Variants in FAM13C observed in about 807,000 individuals in gnomAD.
FAM13C encodes family with sequence similarity 13 member C.
In FAM13C, 37 loss-of-function variants were observed where a neutral mutation model predicts 73.2. The ratio of observed to expected loss-of-function variants is 0.51; its 90% CI spans 0.39 to 0.67. FAM13C has a LOEUF of 0.67. Among genes scored for constraint, FAM13C ranks in the 30% least tolerant of loss-of-function variants. FAM13C has a pLI of 0.00. For synonymous variants in FAM13C, 246 were observed against 260.9 expected (o/e 0.94, Z 0.55); for missense variants, 589 against 715.6 (o/e 0.82, Z 2.02).
At chr10:59,359,512 G>C (rs1186905470) in intron 1 of FAM13C, among the ~76,000 whole-genome samples, 1 of 152,226 alleles carries the variant, frequency 6.6e-6, no homozygotes, top group Admixed American at 6.5e-5. Context: ...CAAAGTTGCA[G>C]AGGTACAGCC....
chr10:59,281,920 GT>G (rs1384990231), intron 6 of FAM13C, among the ~76,000 whole-genome samples: 1 of 152,214 alleles, frequency 6.6e-6, no homozygotes, highest in Non-Finnish European at 1.5e-5. Context: ...TTCTTTATGT[GT>G]TTTGTATTAA....
intron 1 of FAM13C, among the ~76,000 whole-genome samples, 187 bp from the exon 2 acceptor site, chr10:59,356,130 T>G (rs1483069526): frequency 6.6e-5 from 10 of 152,236 alleles, no homozygotes; most frequent in Admixed American, 6.5e-4. Flanking sequence ...TCATATCATG[T>G]GAGCTTAAAA....
At chr10:59,257,251 C>G (rs117595955) in intron 10 of FAM13C, among the ~76,000 whole-genome samples, 2,638 of 152,268 alleles carry the variant, frequency 0.017, 41 homozygotes, top group Middle Eastern at 0.054. Context: ...TTCCTGGCCC[C>G]CTATCAAGTA....
At chr10:59,288,568 A>C (rs1845861460) in intron 5 of FAM13C, among the ~76,000 whole-genome samples, 1 of 152,176 alleles carries the variant, frequency 6.6e-6, no homozygotes, top group Non-Finnish European at 1.5e-5. Flanking sequence ...ACACTAAGCA[A>C]GACTCTGAGT....
chr10:59,247,359 A>T lies in FAM13C; in HGVS notation c.*255T>A. On this transcript the variant is annotated 3_prime_UTR_variant, in exon 14 of 14. Coordinates refer to ENST00000618804, the MANE Select transcript of FAM13C (RefSeq NM_198215.4). ...GACATTTTTAAAAATACTTGTATTG[A>T]CTATGAGTTTTCTGCTTGGCATGGA... The T allele has an allele frequency of 2.2e-6, 1 of 453,486 alleles. No homozygotes were observed. The highest frequency in any genetic ancestry group is 3.9e-6 in the Non-Finnish European group (1 of 257,166). The allele number at this position is 453,486 out of a possible 1,614,324, so 28.1% of individuals were successfully genotyped here.
At chr10:59,281,399 C>T (rs2133673607) in intron 6 of FAM13C, among the ~76,000 whole-genome samples, 1 of 152,304 alleles carries the variant, frequency 6.6e-6, no homozygotes, top group South Asian at 2.1e-4. Flanking sequence ...CACCTTACAA[C>T]TGCCTGTCAC....
intron 3 of FAM13C, among the ~76,000 whole-genome samples, chr10:59,350,056 T>C (rs1442956432): frequency 4.6e-5 from 7 of 152,176 alleles, no homozygotes; most frequent in Non-Finnish European, 5.9e-5. Flanking sequence ...TAATAATCTG[T>C]CTTCTTTTAT....
chr10:59,260,757 T>A (rs1217260161), intron 10 of FAM13C, among the ~76,000 whole-genome samples: 1 of 152,200 alleles, frequency 6.6e-6, no homozygotes, highest in African/African-American at 2.4e-5. Flanking sequence ...ATTTTTTATA[T>A]CTAGCATCTA....
At chr10:59,251,259 AT>A (rs939260208) in intron 13 of FAM13C, 7 of 392,366 alleles carry the variant, frequency 1.8e-5, no homozygotes, top group East Asian at 3.7e-5. Context: ...GGCTAAAAAA[AT>A]CAACAGATTT....
Position 59,252,849 on chromosome 10 carries a change from T to C in FAM13C, c.1482A>G (p.Lys494=). The change falls in exon 12 of 14, where the codon AAA becomes AAG. Residue 494 remains lysine (K), a synonymous_variant. Transcript: ENST00000618804. ...PVRALLPDEK[K]EVKPPALSMS... Reference sequence around the variant, plus strand: ...TGGAGAGAGCTGGTGGTTTTACTTCTTTCTTTTCATCTGGTAAAAGGGCCC... The same window carrying C: ...TGGAGAGAGCTGGTGGTTTTACTTCCTTCTTTTCATCTGGTAAAAGGGCCC... The C allele has an allele frequency of 6.2e-7, 1 of 1,614,104 alleles. No individual in the cohort carries two copies. The highest frequency in any genetic ancestry group is 8.5e-7 in the Non-Finnish European group (1 of 1,180,010).
intron 4 of FAM13C, among the ~76,000 whole-genome samples, chr10:59,317,933 C>G (rs1413386329): frequency 6.6e-6 from 1 of 151,782 alleles, no homozygotes. Context: ...TGTGATGTTC[C>G]CCTTCCTGTG....
At chr10:59,288,889 CAG>C (rs1435100748) in intron 5 of FAM13C, among the ~76,000 whole-genome samples, 2 of 152,174 alleles carry the variant, frequency 1.3e-5, no homozygotes, top group East Asian at 1.9e-4. Context: ...TCCTCCTGAA[CAG>C]AGAGTGGGGA....
chr10:59,346,663 A>G (rs1199948267), intron 3 of FAM13C, among the ~76,000 whole-genome samples: 1 of 152,220 alleles, frequency 6.6e-6, no homozygotes, highest in African/African-American at 2.4e-5. Context: ...ACCATTGCTA[A>G]AAATGAGTGC....
At chr10:59,326,810 C>T (rs1851211718) in intron 3 of FAM13C, among the ~76,000 whole-genome samples, 1 of 152,110 alleles carries the variant, frequency 6.6e-6, no homozygotes. Context: ...AGACACAGAC[C>T]TCTCTAGTCT....
At chr10:59,263,818 C>T (rs1426508295) in intron 9 of FAM13C, 1 of 444,040 alleles carries the variant, frequency 2.3e-6, no homozygotes, top group African/African-American at 2.0e-5. Context: ...GTTAGTGCTC[C>T]ACATGTTGAA....
At chr10:59,278,675 A>G (rs187461043) in intron 6 of FAM13C, among the ~76,000 whole-genome samples, 139 of 152,266 alleles carry the variant, frequency 9.1e-4, no homozygotes, top group African/African-American at 3.2e-3. Flanking sequence ...ATAGACCCCA[A>G]TTGAAAACCT....
intron 3 of FAM13C, among the ~76,000 whole-genome samples, chr10:59,349,762 C>G (rs1348023172): frequency 7.9e-5 from 12 of 152,068 alleles, no homozygotes; most frequent in Admixed American, 7.9e-4. Flanking sequence ...AATTTTGTCT[C>G]AAATAATAAA....
intron 3 of FAM13C, among the ~76,000 whole-genome samples, chr10:59,334,581 A>G (rs1852473073): frequency 6.6e-6 from 1 of 152,176 alleles, no homozygotes; most frequent in Non-Finnish European, 1.5e-5. Flanking sequence ...TGCAGCCATA[A>G]AAAAGGATGA....
At chr10:59,321,103 T>A (rs1299189264) in intron 4 of FAM13C, among the ~76,000 whole-genome samples, 1 of 152,228 alleles carries the variant, frequency 6.6e-6, no homozygotes, top group Admixed American at 6.5e-5. Context: ...GATGTCCATG[T>A]CTTCATCATT....
Sources: allele counts gnomAD v4.1 joint callset (sites outside exome capture counted in the v4.1 genomes callset), GRCh38; gene constraint gnomAD v4.1.1; transcripts MANE v1.5; gene names NCBI Gene and HGNC (gene_info 2026-07-23, HGNC 2026-07-21).